SPRR2G: variants seen among roughly 807,000 people sequenced by gnomAD.
The protein encoded by SPRR2G is small proline-rich protein 2G.
In SPRR2G, 1 loss-of-function variant was observed where a neutral mutation model predicts 0.7. The ratio of observed to expected loss-of-function variants is 1.49; its 90% CI spans 0.53 to 7.06. SPRR2G has a LOEUF of 7.06. Ranked by LOEUF, SPRR2G falls within the 30% of genes most tolerant of loss-of-function variation. SPRR2G has a pLI of 0.14. For synonymous variants in SPRR2G, 38 were observed against 33.9 expected, an observed-to-expected ratio of 1.12 and a Z score of -0.42; for missense variants, 96 against 88.5, an observed-to-expected ratio of 1.09 and a Z score of -0.34.
At chr1:153,156,651 G>T in the SPRR2G span, among the ~76,000 whole-genome samples, 1 of 152,064 alleles carries the variant, frequency 6.6e-6, no homozygotes, top group Non-Finnish European at 1.5e-5. Context: ...AGTTTGTTTT[G>T]TTGTGTTGAA....
chr1:153,182,099 A>C, the SPRR2G span, among the ~76,000 whole-genome samples: 1 of 152,148 alleles, frequency 6.6e-6, no homozygotes, highest in African/African-American at 2.4e-5. Flanking sequence ...CTTTTTGATC[A>C]TAGCCATTCT....
chr1:153,182,703 C>T, the SPRR2G span, among the ~76,000 whole-genome samples: 1 of 152,068 alleles, frequency 6.6e-6, no homozygotes, highest in African/African-American at 2.4e-5. Context: ...CATCCATGTC[C>T]CTGCAAAGGA....
chr1:153,193,434 A>G, the SPRR2G span, among the ~76,000 whole-genome samples: 11,924 of 152,222 alleles, frequency 0.078, 497 homozygotes, highest in Middle Eastern at 0.11. Flanking sequence ...GCCCTCAAAC[A>G]TGTGCATGCA....
At chr1:153,194,597 AC>A in the SPRR2G span, among the ~76,000 whole-genome samples, 1 of 151,924 alleles carries the variant, frequency 6.6e-6, no homozygotes, top group Middle Eastern at 3.2e-3. Flanking sequence ...CCTCCTCCAA[AC>A]TTTTCCTTCC....
the SPRR2G span, among the ~76,000 whole-genome samples, chr1:153,194,347 C>A: frequency 6.6e-6 from 1 of 152,150 alleles, no homozygotes; most frequent in Non-Finnish European, 1.5e-5. Context: ...GTCCTGCCTC[C>A]CATCAAATTA....
At chr1:153,182,093 T>C in the SPRR2G span, among the ~76,000 whole-genome samples, 3 of 152,192 alleles carry the variant, frequency 2.0e-5, no homozygotes, top group Non-Finnish European at 2.9e-5. Context: ...CTTCATCTTT[T>C]TGATCATAGC....
At chr1:153,184,523 A>T in the SPRR2G span, among the ~76,000 whole-genome samples, 22,879 of 152,064 alleles carry the variant, frequency 0.15, 3,081 homozygotes, top group African/African-American at 0.36. Flanking sequence ...TATTGGTGTA[A>T]AAGAATGCTT....
chr1:153,159,682 T>C, the SPRR2G span, among the ~76,000 whole-genome samples: 1 of 152,202 alleles, frequency 6.6e-6, no homozygotes, highest in African/African-American at 2.4e-5. Flanking sequence ...ACTCACAGTT[T>C]TGCATGGCTA....
At chr1:153,185,508 G>T in the SPRR2G span, among the ~76,000 whole-genome samples, 4 of 152,130 alleles carry the variant, frequency 2.6e-5, no homozygotes, top group Non-Finnish European at 5.9e-5. Context: ...TTGCGTAGAG[G>T]TGTTTATAGT....
chr1:153,162,560 C>T, the SPRR2G span, among the ~76,000 whole-genome samples: 1 of 152,240 alleles, frequency 6.6e-6, no homozygotes, highest in Non-Finnish European at 1.5e-5. Context: ...GACAGAATCA[C>T]AGTTAAATTA....
At chr1:153,198,080 T>C in the SPRR2G span, among the ~76,000 whole-genome samples, 2 of 152,200 alleles carry the variant, frequency 1.3e-5, no homozygotes, top group African/African-American at 4.8e-5. Flanking sequence ...ACTAACTGCC[T>C]GGGAAGGTGA....
the SPRR2G span, among the ~76,000 whole-genome samples, chr1:153,178,296 T>G: frequency 6.6e-6 from 1 of 152,204 alleles, no homozygotes; most frequent in African/African-American, 2.4e-5. Context: ...GCTTCTTCTT[T>G]CCAATCCATG....
At chr1:153,182,325 A>T in the SPRR2G span, among the ~76,000 whole-genome samples, 4 of 150,418 alleles carry the variant, frequency 2.7e-5, no homozygotes, top group South Asian at 2.1e-4. Context: ...ATATTTTAAG[A>T]ATTTTTTTAT....
chr1:153,152,349 C>T (rs965732633), upstream of SPRR2G, among the ~76,000 whole-genome samples: 1 of 152,082 alleles, frequency 6.6e-6, no homozygotes, highest in Non-Finnish European at 1.5e-5. Flanking sequence ...CCTACAGGGT[C>T]GGCACCTTGT....
chr1:153,200,898 G>A, the SPRR2G span, among the ~76,000 whole-genome samples: 12,928 of 152,114 alleles, frequency 0.085, 588 homozygotes, highest in Middle Eastern at 0.24. Context: ...AGTAGAGATG[G>A]GGTTTCACCA....
In SPRR2G at chr1:153,149,947, C is replaced by T. The variant is rs754099877; in HGVS notation, c.164G>A (p.Cys55Tyr). The T allele has an allele frequency of 6.2e-7, 1 of 1,613,942 alleles. No individual in the cohort carries two copies. ...HCPPPPCQDK[C>Y]PPVQPYPPCQ... ...GGGTGGGTATGGTTGCACAGGAGGG[C>T]ATTTATCCTGGCATGGTGGAGGTGG... The change falls in exon 2 of 2, where the codon TGC (cysteine) becomes TAC (tyrosine). Residue 55 changes from cysteine to tyrosine, a missense_variant. Transcript: ENST00000368748.
At chr1:153,154,910 C>T (rs867342629), upstream of SPRR2G, among the ~76,000 whole-genome samples, 3 of 152,210 alleles carry the variant, frequency 2.0e-5, no homozygotes, top group East Asian at 1.9e-4. Context: ...AGTCATTCTC[C>T]GTTTTTATCT....
the SPRR2G span, among the ~76,000 whole-genome samples, chr1:153,174,951 C>A: frequency 4.4e-4 from 67 of 152,210 alleles, no homozygotes; most frequent in African/African-American, 1.5e-3. Context: ...CACTTAATAC[C>A]TCAGGCAGCA....
chr1:153,150,212 G>A, intron 1 of SPRR2G, 81 bp from the exon 2 acceptor site: 1 of 1,561,346 alleles, frequency 6.4e-7, no homozygotes, highest in South Asian at 1.2e-5. Context: ...CAAATCTCCA[G>A]TATCTAGGGA....
Sources: gnomAD v4.1 joint callset for allele counts (sites outside exome capture counted in the v4.1 genomes callset) on GRCh38, gnomAD v4.1.1 for gene constraint, MANE v1.5 for transcripts, NCBI Gene and HGNC (gene_info 2026-07-23, HGNC 2026-07-21) for gene names.